Variants in ACOX3 observed in about 807,000 individuals in gnomAD.
ACOX3 encodes the protein acyl-CoA oxidase 3, pristanoyl, also known as peroxisomal acyl-coenzyme A oxidase 3.
ACOX3 carries 73 observed loss-of-function variants against 81.5 expected under a neutral mutation model. The observed-to-expected ratio is 0.90, with a 90% CI of 0.74 to 1.09. The LOEUF is 1.09. Among genes scored for constraint, ACOX3 ranks in the 50% least tolerant of loss-of-function variants. The probability of loss-of-function intolerance (pLI) is 0.00; values close to 1 mark genes in which losing one functional copy is unlikely to be tolerated. For synonymous variants in ACOX3, 387 were observed against 375.1 expected (o/e 1.03, Z -0.37); for missense variants, 947 against 928.0 (o/e 1.02, Z -0.27).
rs1716083611 is a variant in ACOX3 at position 8,370,767 on chromosome 4, C to T, written c.1983+141G>A. ...CAGAGTGAGACAGTCCTGACTTGTC[C>T]CGGGCCCTCCCCAAGAAGCTCCTCC... On this transcript the variant is annotated intron_variant, in intron 17 of 17. Coordinates refer to ENST00000356406, the MANE Select transcript of ACOX3 (RefSeq NM_003501.3). The surrounding 1 kb of genome is among the most constrained non-coding windows in gnomAD (Gnocchi z 6.3). 1 of 700,246 alleles carries T rather than the reference C, an allele frequency of 1.4e-6. No individual in the cohort carries two copies. The highest frequency in any genetic ancestry group is 2.4e-6 in the Non-Finnish European group (1 of 414,342). The allele number at this position is 700,246 out of a possible 1,614,324, so 43.4% of individuals were successfully genotyped here.
rs1723900871 is a variant in ACOX3 at position 8,430,606 on chromosome 4, A to T, written c.-15+10042T>A. Among the ~76,000 whole-genome samples, 1 of 152,190 alleles carries T rather than the reference A, an allele frequency of 6.6e-6. No homozygotes were observed. The highest frequency in any genetic ancestry group is 1.5e-5 in the Non-Finnish European group (1 of 68,028). Reference sequence around the variant, plus strand: ...TGTGGTGGCTCACACCTATAATCTTAGCACTTTGGGAGGTCGAGGTGGGCA... The same window carrying T: ...TGTGGTGGCTCACACCTATAATCTTTGCACTTTGGGAGGTCGAGGTGGGCA... On this transcript the variant is annotated intron_variant, in intron 1 of 17. Coordinates refer to ENST00000356406, the MANE Select transcript of ACOX3 (RefSeq NM_003501.3). This position sits in a 1 kb window ranked among gnomAD's most constrained non-coding sequence, Gnocchi z 5.2.
In ACOX3 at chr4:8,436,611, A is replaced by G. The variant is rs540952579; in HGVS notation, c.-15+4037T>C. Among the ~76,000 whole-genome samples, 14 of 152,336 alleles carry G rather than the reference A, an allele frequency of 9.2e-5. No homozygotes were observed. The South Asian group carries it at 2.9e-3, about 32-fold the overall frequency. ...AGAAAAAAAGCAATTAATATAAAAAAGATTTCAGAAGTGCTTCAAGGAGCT... is the reference window on the plus strand; with the variant it reads ...AGAAAAAAAGCAATTAATATAAAAAGGATTTCAGAAGTGCTTCAAGGAGCT... On this transcript the variant is annotated intron_variant, in intron 1 of 17. Transcript: ENST00000356406.
Position 8,419,889 on chromosome 4 carries a change from C to T in ACOX3, c.-14-3354G>A, listed in dbSNP as rs190011064. ...CCCAGTGTCATGTTGGAATTCCCCT[C>T]TCCATGCGCCATAACCTCAGTACAT... On this transcript the variant is annotated intron_variant, in intron 1 of 17. Coordinates refer to ENST00000356406, the MANE Select transcript of ACOX3 (RefSeq NM_003501.3). This position sits in a 1 kb window ranked among gnomAD's most constrained non-coding sequence, Gnocchi z 4.2. 6.6e-6 allele frequency among the ~76,000 whole-genome samples: 1 copy of T among 152,322 alleles called. No individual in the cohort carries two copies. The highest frequency in any genetic ancestry group is 1.9e-4 in the East Asian group (1 of 5,190).
At chr4:8,393,224 G>A (rs189717846) in intron 10 of ACOX3, 1,768 of 151,860 alleles carry the variant, frequency 0.012, 19 homozygotes, top group Middle Eastern at 0.021. Flanking sequence ...AGTGGCTCAC[G>A]CCTATAATGC....
At chr4:8,360,557 C>G in the ACOX3 span, among the ~76,000 whole-genome samples, 1 of 151,448 alleles carries the variant, frequency 6.6e-6, no homozygotes, top group African/African-American at 2.4e-5. Context: ...TTGCAAGCTC[C>G]GCCTCCTGGG....
intron 13 of ACOX3, among the ~76,000 whole-genome samples, chr4:8,383,938 C>A (rs113231332): frequency 0.021 from 3,234 of 152,294 alleles, 123 homozygotes; most frequent in African/African-American, 0.073. Flanking sequence ...AACGGTCCGG[C>A]CAGAAACCAC....
chr4:8,356,463 A>G, the ACOX3 span: 1 of 436,684 alleles, frequency 2.3e-6, no homozygotes, highest in Non-Finnish European at 4.7e-6. Flanking sequence ...GAAGTTTGCT[A>G]AACTTGTACA....
rs115206628 is a variant in ACOX3 at position 8,426,793 on chromosome 4, A to G, written c.-14-10258T>C. Among the ~76,000 whole-genome samples the G allele has an allele frequency of 6.7e-3, 1,021 of 152,156 alleles. 5 individuals carry two copies. The highest frequency in any genetic ancestry group is 9.1e-3 in the Non-Finnish European group (622 of 68,000). ...CCAGAATCAAAGCTGTGAAACTACA[A>G]ATGTTCTTCAAATGGAGCCCCAGAT... is the stretch of plus-strand genomic sequence containing the variant. On this transcript the variant is annotated intron_variant, in intron 1 of 17. Transcript: ENST00000356406.
At chr4:8,424,285 C>A (rs1011620532) in intron 1 of ACOX3, among the ~76,000 whole-genome samples, 19 of 152,226 alleles carry the variant, frequency 1.2e-4, no homozygotes, top group African/African-American at 4.6e-4. Flanking sequence ...AAGAAGGACA[C>A]CTGAAGCAGA....
In ACOX3 at chr4:8,396,978, T is replaced by C. The variant is rs1719767804; in HGVS notation, c.1015A>G (p.Thr339Ala). The C allele has an allele frequency of 1.2e-6, 2 of 1,612,066 alleles. No individual in the cohort carries two copies. Among genetic ancestry groups the C allele is most frequent in the African/African-American group, 1.3e-5 (1 of 74,832 alleles). The change falls in exon 9 of 18, where the codon ACA becomes GCA. Residue 339 changes from threonine (T) to alanine (A), a missense_variant. By Grantham distance (58) the Thr-to-Ala change is moderately conservative. Transcript: ENST00000356406. ...FSATRRQFGPTEEEEIPVLEY... is the reference protein window; with the variant it reads ...FSATRRQFGPAEEEEIPVLEY... ...AGCACTGGTATTTCCTCCTCCTCTGTGGGTCCAAACTGACGCCGAGTGGCT... is the reference window on the plus strand; with the variant it reads ...AGCACTGGTATTTCCTCCTCCTCTGCGGGTCCAAACTGACGCCGAGTGGCT...
At chr4:8,421,320 T>A (rs1252383439) in intron 1 of ACOX3, among the ~76,000 whole-genome samples, 2 of 152,198 alleles carry the variant, frequency 1.3e-5, no homozygotes, top group East Asian at 1.9e-4. Flanking sequence ...TTTCTAACAA[T>A]CCCCAACCCT....
chr4:8,388,641 C>T (rs1718587296), intron 13 of ACOX3, among the ~76,000 whole-genome samples: 1 of 152,238 alleles, frequency 6.6e-6, no homozygotes, highest in Admixed American at 6.5e-5. Context: ...CTGTGCGGGG[C>T]CCTGGGAGGA....
At chr4:8,411,603 C>A (rs1012738109) in intron 5 of ACOX3, among the ~76,000 whole-genome samples, 9 of 152,230 alleles carry the variant, frequency 5.9e-5, no homozygotes, top group Non-Finnish European at 1.0e-4. Flanking sequence ...TGCAGGTGTG[C>A]ACTGCAACAC....
chr4:8,394,660 A>C lies in ACOX3; in HGVS notation c.1139T>G (p.Leu380Arg). Residue 380 changes from leucine (L) to arginine (R), a missense_variant, in exon 10 of 18, where the codon CTC becomes CGC. Transcript: ENST00000356406. This position sits in a 1 kb window ranked among gnomAD's most constrained non-coding sequence, Gnocchi z 5.9. The part of the protein sequence containing the change: ...SKSLFLDLVE[L>R]QRGLASGDRS... ...GTCTCCCGATGCAAGTCCTCGCTGG[A>C]GCTCCACCAGGTCCAGGAAGAGCGA... The C allele has an allele frequency of 4.3e-6, 7 of 1,613,834 alleles. No individual in the cohort carries two copies. The highest frequency in any genetic ancestry group is 5.9e-6 in the Non-Finnish European group (7 of 1,179,996).
In ACOX3 at chr4:8,374,202, G is replaced by A. The variant is rs142596522; in HGVS notation, c.1829-574C>T. On this transcript the variant is annotated intron_variant, in intron 15 of 17. Transcript: ENST00000356406. ...GGAGCACATCTGTGGTGGGATCTGC[G>A]TTTGCTGTGATTTCCGCTGGAGAGA... 582 of 156,262 alleles carry A rather than the reference G, an allele frequency of 3.7e-3. 4 individuals carry two copies. Among genetic ancestry groups the A allele is most frequent in the African/African-American group, 0.013 (538 of 41,620 alleles). The allele number at this position is 156,262 out of a possible 1,614,324, so 9.7% of individuals were successfully genotyped here.
At chr4:8,421,454 A>C (rs1722938730) in intron 1 of ACOX3, among the ~76,000 whole-genome samples, 1 of 152,304 alleles carries the variant, frequency 6.6e-6, no homozygotes, top group East Asian at 1.9e-4. Flanking sequence ...GCCGGTCAAG[A>C]TCATGGCGCA....
intron 14 of ACOX3, among the ~76,000 whole-genome samples, chr4:8,377,232 G>A (rs3796751): frequency 2.0e-5 from 3 of 152,090 alleles, no homozygotes; most frequent in African/African-American, 4.8e-5. Flanking sequence ...TCCTTGAACC[G>A]AATCTGAGTG....
chr4:8,377,747 C>T (rs988454829), intron 14 of ACOX3, among the ~76,000 whole-genome samples: 1 of 152,230 alleles, frequency 6.6e-6, no homozygotes, highest in Non-Finnish European at 1.5e-5. Context: ...CTGACCACAG[C>T]ATTAACCAAG....
chr4:8,415,203 C>T (rs1008152418), intron 3 of ACOX3, among the ~76,000 whole-genome samples: 1 of 152,152 alleles, frequency 6.6e-6, no homozygotes, highest in Non-Finnish European at 1.5e-5. Flanking sequence ...ATAAGGCACA[C>T]AGAAATCACC....
Sources: gnomAD v4.1 joint callset for allele counts (sites outside exome capture counted in the v4.1 genomes callset) on GRCh38, gnomAD v4.1.1 for gene constraint, Gnocchi (gnomAD v3.1) non-coding constraint, MANE v1.5 for transcripts, NCBI Gene and HGNC (gene_info 2026-07-23, HGNC 2026-07-21) for gene names.